Variants in ARHGEF28 observed in about 807,000 individuals in gnomAD.
The protein encoded by ARHGEF28 is Rho guanine nucleotide exchange factor 28, also known as 190 kDa guanine nucleotide exchange factor.
ARHGEF28 carries 152 observed loss-of-function variants against 206.6 expected under a neutral mutation model. The ratio of observed to expected loss-of-function variants is 0.74; its 90% CI spans 0.64 to 0.84. ARHGEF28 has a LOEUF of 0.84. ARHGEF28 is among the 40% of genes least tolerant of loss of function. ARHGEF28 has a pLI of 0.00. For missense variants in ARHGEF28, 2,028 were observed against 2,073.2 expected (o/e 0.98, Z 0.42); for synonymous variants, 763 against 776.4 (o/e 0.98, Z 0.29).
rs1762447892 is a variant in ARHGEF28, at chr5:73,904,540, T to C, written c.4161+135T>C. ...CTTAAAAGAATGACAACCTTCTAAG[T>C]GTGATGTGTTGGACTCACATGGTTT... is the stretch of plus-strand genomic sequence containing the variant. On this transcript the variant is annotated intron_variant, in intron 33 of 35. Transcript: ENST00000513042. 4.3e-6 allele frequency: 4 copies of C among 935,954 alleles called. No individual in the cohort carries two copies. In the African/African-American group the frequency reaches 5.0e-5, roughly 12 times the overall value. 58.0% of individuals were successfully genotyped at this position (935,954 alleles called of 1,614,324 possible). A position where few individuals can be genotyped will look rare whatever the true frequency, so the allele number is the denominator to read the frequency against.
intron 4 of ARHGEF28, among the ~76,000 whole-genome samples, chr5:73,769,851 G>GT (rs1265211790): frequency 6.6e-6 from 1 of 152,068 alleles, no homozygotes; most frequent in Non-Finnish European, 1.5e-5. Context: ...ACAGGTTTAG[G>GT]TTCATGGCAA....
chr5:73,932,888 A>C (rs1374926637), intron 35 of ARHGEF28, among the ~76,000 whole-genome samples: 1 of 132,100 alleles, frequency 7.6e-6, no homozygotes, highest in Non-Finnish European at 1.5e-5. Context: ...GGCTCACTGC[A>C]AGCTGCGCCT....
At chr5:73,857,875 C>T (rs1044686513) in intron 15 of ARHGEF28, 96 bp downstream of exon 15, 5 of 1,436,804 alleles carry the variant, frequency 3.5e-6, no homozygotes, top group Non-Finnish European at 3.7e-6. Flanking sequence ...AATCACTTAC[C>T]TTAGATTTTA....
At chr5:73,715,437 G>A (rs1234400932) in intron 2 of ARHGEF28, among the ~76,000 whole-genome samples, 1 of 152,154 alleles carries the variant, frequency 6.6e-6, no homozygotes, top group Non-Finnish European at 1.5e-5. Flanking sequence ...GAGAGGAAAT[G>A]TCCACTTCCG....
Position 73,883,797 on chromosome 5 carries a change from C to T in ARHGEF28, c.2968C>T (p.Arg990Ter), listed in dbSNP as rs771514690. ...LRNSNLLARRRGIPECILLVT... is the reference protein window; with the variant it reads ...LRNSNLLARR Reference sequence around the variant, plus strand: ...AAATAGTAATCTTTTGGCTCGACGCCGAGGAATTCCAGAATGCATTCTGTT... The same window carrying T: ...AAATAGTAATCTTTTGGCTCGACGCTGAGGAATTCCAGAATGCATTCTGTT... Residue 990 changes from arginine (R) to a stop codon, truncating the protein, a stop_gained, in exon 24 of 36, where the codon CGA (arginine) becomes TGA (stop). Coordinates refer to ENST00000513042, the MANE Select transcript of ARHGEF28 (RefSeq NM_001177693.2). LOFTEE classifies it high-confidence loss of function. 3.2e-6 allele frequency: 5 copies of T among 1,566,196 alleles called. No homozygotes were observed. The highest frequency in any genetic ancestry group is 2.3e-5 in the East Asian group (1 of 42,576).
intron 33 of ARHGEF28, among the ~76,000 whole-genome samples, chr5:73,906,189 T>G (rs186604314): frequency 6.6e-6 from 1 of 152,316 alleles, no homozygotes; most frequent in African/African-American, 2.4e-5. Context: ...CTCATCTTAT[T>G]TATTTTTCTA....
intron 16 of ARHGEF28, 112 bp downstream of exon 16, chr5:73,858,331 T>C: frequency 7.5e-7 from 1 of 1,328,134 alleles, no homozygotes; most frequent in Non-Finnish European, 1.0e-6. Flanking sequence ...GCCACACATA[T>C]GACTGAACCG....
chr5:73,860,275 G>A (rs971005110), intron 16 of ARHGEF28, among the ~76,000 whole-genome samples: 8 of 152,000 alleles, frequency 5.3e-5, no homozygotes, highest in Admixed American at 2.6e-4. Context: ...TTCTTTCCTC[G>A]CTTTGTATTT....
chr5:73,934,942 G>T (rs1007610505), intron 35 of ARHGEF28, among the ~76,000 whole-genome samples: 1 of 152,158 alleles, frequency 6.6e-6, no homozygotes, highest in African/African-American at 2.4e-5. Context: ...ACTCCCACGG[G>T]GCTTGTGATG....
At chr5:73,745,760 G>C (rs1751687219) in intron 2 of ARHGEF28, among the ~76,000 whole-genome samples, 1 of 151,966 alleles carries the variant, frequency 6.6e-6, no homozygotes, top group Non-Finnish European at 1.5e-5. Context: ...TTCACTATTT[G>C]ACAGGGAAAG....
At chr5:73,858,279 AAG>A in intron 16 of ARHGEF28, 60 bp downstream of exon 16, 1 of 1,514,950 alleles carries the variant, frequency 6.6e-7, no homozygotes, top group Non-Finnish European at 8.8e-7. Context: ...TAACCTTGGG[AAG>A]AGGCTCATTG....
At chr5:73,913,690 C>G (rs1382942174) in intron 35 of ARHGEF28, among the ~76,000 whole-genome samples, 1 of 152,206 alleles carries the variant, frequency 6.6e-6, no homozygotes, top group Admixed American at 6.5e-5. Flanking sequence ...TTGTTGTCCC[C>G]TCTTCTGTGT....
chr5:73,866,331 T>G (rs978421656), intron 18 of ARHGEF28, among the ~76,000 whole-genome samples: 1 of 152,234 alleles, frequency 6.6e-6, no homozygotes, highest in African/African-American at 2.4e-5. Flanking sequence ...TTAATAATCC[T>G]TCAAGGAAAA....
At chr5:73,892,627 T>C (rs1312092076) in intron 27 of ARHGEF28, among the ~76,000 whole-genome samples, 1 of 152,228 alleles carries the variant, frequency 6.6e-6, no homozygotes. Context: ...TTTAATTAGA[T>C]TGGAAGCTCC....
At chr5:73,711,030 A>G (rs57700336) in intron 2 of ARHGEF28, among the ~76,000 whole-genome samples, 4,104 of 152,256 alleles carry the variant, frequency 0.027, 183 homozygotes, top group African/African-American at 0.093. Context: ...AAGTAGTTCA[A>G]TTGTTCCAGC....
Position 73,862,879 on chromosome 5 carries a change from A to G in ARHGEF28, c.2048-1938A>G, listed in dbSNP as rs569120935. On this transcript the variant is annotated intron_variant, in intron 16 of 35. Transcript: ENST00000513042. ...TTTCTTTAAAAAAAAAAAAAACTAC[A>G]GTGAATCCTTCTTGAACTCCTAATT... 1.6e-3 allele frequency among the ~76,000 whole-genome samples: 235 copies of G among 150,924 alleles called. 2 individuals are homozygous for G. Among genetic ancestry groups the G allele is most frequent in the Non-Finnish European group, 2.5e-3 (172 of 67,790 alleles).
intron 7 of ARHGEF28, among the ~76,000 whole-genome samples, chr5:73,793,706 C>T (rs917705029): frequency 4.0e-5 from 6 of 151,730 alleles, no homozygotes; most frequent in Non-Finnish European, 7.4e-5. Context: ...GTGGTTATTT[C>T]GACAATAGCG....
At chr5:73,774,461 T>C (rs1753428643) in intron 5 of ARHGEF28, among the ~76,000 whole-genome samples, 1 of 152,256 alleles carries the variant, frequency 6.6e-6, no homozygotes, top group African/African-American at 2.4e-5. Context: ...GGTCTGGGAC[T>C]ATTTCTGTTT....
chr5:73,627,977 A>G (rs539434139), intron 1 of ARHGEF28, among the ~76,000 whole-genome samples: 5 of 152,276 alleles, frequency 3.3e-5, no homozygotes, highest in Non-Finnish European at 7.3e-5. Flanking sequence ...CCTCTGAAGT[A>G]CCCAACTGTC....
Sources: gnomAD v4.1 joint callset for allele counts (sites outside exome capture counted in the v4.1 genomes callset) on GRCh38, gnomAD v4.1.1 for gene constraint, MANE v1.5 for transcripts, NCBI Gene and HGNC (gene_info 2026-07-23, HGNC 2026-07-21) for gene names.